Variants in PSMF1 observed in about 807,000 individuals in gnomAD.
PSMF1 encodes the protein proteasome inhibitor PI31 subunit.
PSMF1 carries 30 observed loss-of-function variants against 29.3 expected under a neutral mutation model. The ratio of observed to expected loss-of-function variants is 1.02; its 90% CI spans 0.77 to 1.39. The LOEUF (loss-of-function observed/expected upper bound fraction) is 1.39. Among genes scored for constraint, PSMF1 ranks in the 40% most tolerant of loss-of-function variants. The pLI, the probability that PSMF1 is intolerant of heterozygous loss-of-function variation, is 0.00. For synonymous variants in PSMF1, 134 were observed against 139.7 expected (o/e 0.96, Z 0.29); for missense variants, 344 against 357.5 (o/e 0.96, Z 0.31).
At chr20:1,116,858 A>G (rs2086016119), upstream of PSMF1, among the ~76,000 whole-genome samples, 1 of 152,012 alleles carries the variant, frequency 6.6e-6, no homozygotes, top group African/African-American at 2.4e-5. Flanking sequence ...TCTGTTGAGG[A>G]TGGTAGGAGT....
At position 1,147,179 on chromosome 20, in the gene PSMF1, C is replaced by CGT. The variant is rs869221637; in HGVS notation, c.551+11873_551+11874insGT. On this transcript the variant is annotated intron_variant, in intron 4 of 6. Transcript: ENST00000335877. ...ATCATCATCATCATCATCATCATCA[C>CGT]CACCCTGTGTTGAGGACAGAAGTAA... 8.4e-3 allele frequency among the ~76,000 whole-genome samples: 1,064 copies of CGT among 126,166 alleles called. 30 individuals carry two copies. Among genetic ancestry groups the CGT allele is most frequent in the African/African-American group, 0.031 (860 of 27,826 alleles). 82.8% of individuals were successfully genotyped at this position (126,166 alleles called of 152,430 possible). A position where few individuals can be genotyped will look rare whatever the true frequency, so the allele number is the denominator to read the frequency against.
At chr20:1,160,751 C>G in intron 4 of PSMF1, 1 of 442,330 alleles carries the variant, frequency 2.3e-6, no homozygotes, top group South Asian at 1.7e-5. Context: ...ACCTGGGCGA[C>G]AAGGCCCAGA....
intron 4 of PSMF1, among the ~76,000 whole-genome samples, chr20:1,147,179 C>CATCATCAT (rs869221637): frequency 8.0e-4 from 101 of 126,166 alleles, no homozygotes; most frequent in East Asian, 2.0e-3. Context: ...ATCATCATCA[C>CATCATCAT]CACCCTGTGT....
chr20:1,160,554 C>G (rs1269558996), intron 4 of PSMF1: 1 of 443,792 alleles, frequency 2.3e-6, no homozygotes, highest in Non-Finnish European at 4.6e-6. Context: ...CTTCCCACCG[C>G]TCTGCCGCCC....
chr20:1,118,962 A>C, intron 1 of PSMF1, 60 bp downstream of exon 1: 1 of 1,587,476 alleles, frequency 6.3e-7, no homozygotes, highest in Admixed American at 1.7e-5. Flanking sequence ...AACTCAGAGT[A>C]CCGGAGGCCT....
At chr20:1,162,483 T>C (rs1368420641) in intron 4 of PSMF1, among the ~76,000 whole-genome samples, 2 of 152,214 alleles carry the variant, frequency 1.3e-5, no homozygotes, top group African/African-American at 4.8e-5. Context: ...AGAGATAATA[T>C]AGAATTACTC....
At position 1,169,311 on chromosome 20, in the gene PSMF1, C is replaced by T. The variant is rs1219997376; in HGVS notation, c.*4231C>T. Among the ~76,000 whole-genome samples the T allele has an allele frequency of 6.6e-6, 1 of 152,142 alleles. No individual in the cohort carries two copies. Among genetic ancestry groups the T allele is most frequent in the Non-Finnish European group, 1.5e-5 (1 of 68,038 alleles). ...AGGCCTAGCTGACTGAGGACAGACCCAGCAACAATGACAGGAGGTTTGAAC... is the reference window on the plus strand; with the variant it reads ...AGGCCTAGCTGACTGAGGACAGACCTAGCAACAATGACAGGAGGTTTGAAC... On this transcript the variant is annotated 3_prime_UTR_variant, in exon 7 of 7. Transcript: ENST00000335877.
chr20:1,127,312 CTG>C (rs1477946760), intron 2 of PSMF1, 112 bp from the exon 3 acceptor site: 2 of 840,632 alleles, frequency 2.4e-6, no homozygotes, highest in African/African-American at 3.3e-5. Flanking sequence ...ATATATGTCT[CTG>C]TGGACATATG....
At chr20:1,133,569 A>ATTTTTTTTTTTT (rs1217034678) in intron 3 of PSMF1, among the ~76,000 whole-genome samples, 1 of 53,286 alleles carries the variant, frequency 1.9e-5, no homozygotes, top group African/African-American at 5.6e-5. Flanking sequence ...ATATATATAT[A>ATTTTTTTTTTTT]TTTTTTTTTT....
chr20:1,152,046 G>A lies in PSMF1; in HGVS notation c.552-11084G>A, dbSNP rs182009075. On this transcript the variant is annotated intron_variant, in intron 4 of 6. Transcript: ENST00000335877. Reference sequence around the variant, plus strand: ...AGCCATCAATGTTTTGAAAAGTTACGTGGTTGGGACTCGGTTAACCACGGA... The same window carrying A: ...AGCCATCAATGTTTTGAAAAGTTACATGGTTGGGACTCGGTTAACCACGGA... Among the ~76,000 whole-genome samples, 1,173 of 152,256 alleles carry A rather than the reference G, an allele frequency of 7.7e-3. 9 individuals are homozygous for A. The highest frequency in any genetic ancestry group is 0.012 in the Non-Finnish European group (789 of 68,006).
chr20:1,134,436 A>G (rs1041568221), intron 3 of PSMF1, among the ~76,000 whole-genome samples: 2 of 152,096 alleles, frequency 1.3e-5, no homozygotes, highest in Admixed American at 6.6e-5. Context: ...AACATACTTT[A>G]TATGATTTCA....
chr20:1,170,517 T>A lies in PSMF1; in HGVS notation c.*5437T>A, dbSNP rs934916564. Among the ~76,000 whole-genome samples, 1 of 152,140 alleles carries A rather than the reference T, an allele frequency of 6.6e-6. No homozygotes were observed. Among genetic ancestry groups the A allele is most frequent in the Non-Finnish European group, 1.5e-5 (1 of 68,032 alleles). ...ACATTATATCTTCAAACCATAACCA[T>A]AATGAGGTGTTATCCCCATTTCCTG... On this transcript the variant is annotated 3_prime_UTR_variant, in exon 7 of 7. Coordinates refer to ENST00000335877, the MANE Select transcript of PSMF1 (RefSeq NM_006814.5).
intron 4 of PSMF1, among the ~76,000 whole-genome samples, chr20:1,159,287 C>T (rs2086636717): frequency 6.6e-6 from 1 of 151,966 alleles, no homozygotes; most frequent in Admixed American, 6.6e-5. Flanking sequence ...GCAATCCTCC[C>T]ACCTCGACCT....
chr20:1,135,738 C>T (rs2086298012), intron 4 of PSMF1, among the ~76,000 whole-genome samples: 1 of 152,224 alleles, frequency 6.6e-6, no homozygotes, highest in Admixed American at 6.5e-5. Context: ...GTCCCAGTGT[C>T]TTGCCCATTT....
chr20:1,142,959 T>G (rs1349627454), intron 4 of PSMF1, among the ~76,000 whole-genome samples: 1 of 152,186 alleles, frequency 6.6e-6, no homozygotes, highest in African/African-American at 2.4e-5. Flanking sequence ...TGTATAAGAT[T>G]TTTATACTGA....
rs2086763324 is a variant in PSMF1, at chr20:1,169,026, G to A, written c.*3946G>A. On this transcript the variant is annotated 3_prime_UTR_variant, in exon 7 of 7. Coordinates refer to ENST00000335877, the MANE Select transcript of PSMF1 (RefSeq NM_006814.5). ...CCACAAGGCACAGATACAGGCAGCT[G>A]CTGTGTGGCTCTGGAGTTCCTAATC... Among the ~76,000 whole-genome samples the A allele has an allele frequency of 6.6e-6, 1 of 152,228 alleles. No homozygotes were observed. Among genetic ancestry groups the A allele is most frequent in the Admixed American group, 6.5e-5 (1 of 15,288 alleles).
rs2086037926 is a variant in PSMF1 at position 1,118,628 on chromosome 20, G to T, written c.-146G>T. 4.1e-6 allele frequency: 4 copies of T among 978,672 alleles called. No homozygotes were observed. The highest frequency in any genetic ancestry group is 5.7e-6 in the Non-Finnish European group (4 of 698,326). 60.6% of individuals were successfully genotyped at this position (978,672 alleles called of 1,614,324 possible). On this transcript the variant is annotated 5_prime_UTR_variant, in exon 1 of 7. Coordinates refer to ENST00000335877, the MANE Select transcript of PSMF1 (RefSeq NM_006814.5). ...GCTTCCCCGCCCCGCCCCGTCCCCGGGCGTCTCCATTTTGGTCTCAGGTGT... is the reference window on the plus strand; with the variant it reads ...GCTTCCCCGCCCCGCCCCGTCCCCGTGCGTCTCCATTTTGGTCTCAGGTGT...
At chr20:1,145,235 A>T (rs1478161980) in intron 4 of PSMF1, among the ~76,000 whole-genome samples, 3 of 152,174 alleles carry the variant, frequency 2.0e-5, no homozygotes, top group African/African-American at 7.2e-5. Context: ...TAAAATTTAG[A>T]TGCTGAAGAG....
At position 1,144,469 on chromosome 20, in the gene PSMF1, G is replaced by C. The variant is rs1412193155; in HGVS notation, c.551+9163G>C. Among the ~76,000 whole-genome samples the C allele has an allele frequency of 2.0e-5, 3 of 152,210 alleles. No homozygotes were observed. In the East Asian group the frequency reaches 5.8e-4, roughly 29 times the overall value. On this transcript the variant is annotated intron_variant, in intron 4 of 6. Transcript: ENST00000335877. ...GAAAATTGTGCCCACAGAAAAACCTGTACACAGATGTTCAGAAGAGTTTTA... is the reference window on the plus strand; with the variant it reads ...GAAAATTGTGCCCACAGAAAAACCTCTACACAGATGTTCAGAAGAGTTTTA...
Sources: gnomAD v4.1 joint callset for allele counts (sites outside exome capture counted in the v4.1 genomes callset) on GRCh38, gnomAD v4.1.1 for gene constraint, MANE v1.5 for transcripts, NCBI Gene and HGNC (gene_info 2026-07-23, HGNC 2026-07-21) for gene names.